EXOSC7: variants seen among roughly 807,000 people sequenced by gnomAD.
The protein encoded by EXOSC7 is exosome component 7, also known as exosome complex component RRP42.
EXOSC7 carries 25 observed loss-of-function variants against 34.3 expected under a neutral mutation model. That is an observed-to-expected ratio of 0.73 (90% CI 0.53 to 1.02). EXOSC7 has a LOEUF of 1.02. Among genes scored for constraint, EXOSC7 ranks in the 50% least tolerant of loss-of-function variants. EXOSC7 has a pLI of 0.00. For missense variants in EXOSC7, 370 were observed against 368.5 expected (o/e 1.00, Z -0.03); for synonymous variants, 130 against 143.0 (o/e 0.91, Z 0.65).
chr3:45,008,452 A>G (rs1707116479), intron 7 of EXOSC7, among the ~76,000 whole-genome samples: 1 of 152,252 alleles, frequency 6.6e-6, no homozygotes, highest in South Asian at 2.1e-4. Flanking sequence ...CATGTTATTT[A>G]AAAGGCCAAA....
intron 1 of EXOSC7, chr3:44,977,301 G>A (rs1575994484): frequency 6.6e-6 from 1 of 152,184 alleles, no homozygotes; most frequent in Non-Finnish European, 1.5e-5. Flanking sequence ...GAGTTCTGGC[G>A]ACAGCTCCTA....
At chr3:44,997,300 G>A in intron 4 of EXOSC7, 48 bp downstream of exon 4, 2 of 1,550,190 alleles carry the variant, frequency 1.3e-6, no homozygotes, top group Non-Finnish European at 1.8e-6. Flanking sequence ...TTGTTGGAAA[G>A]ACTAGTTGGC....
chr3:44,983,703 C>G (rs1306904016), intron 1 of EXOSC7, among the ~76,000 whole-genome samples: 1 of 152,130 alleles, frequency 6.6e-6, no homozygotes, highest in Non-Finnish European at 1.5e-5. Context: ...TAAAATGGAG[C>G]TTTTACTTCA....
chr3:44,980,168 C>T (rs1372092452), intron 1 of EXOSC7, among the ~76,000 whole-genome samples: 1 of 151,990 alleles, frequency 6.6e-6, no homozygotes, highest in Non-Finnish European at 1.5e-5. Context: ...TGAGGGGCAC[C>T]CTCTGATCTG....
chr3:44,994,665 C>T (rs1000431447), intron 3 of EXOSC7, among the ~76,000 whole-genome samples: 10 of 152,092 alleles, frequency 6.6e-5, no homozygotes, highest in Non-Finnish European at 1.3e-4. Context: ...AATATGGGGT[C>T]TGTGGCTTTC....
intron 3 of EXOSC7, among the ~76,000 whole-genome samples, chr3:44,994,449 G>A (rs1706661558): frequency 6.6e-6 from 1 of 151,450 alleles, no homozygotes; most frequent in Non-Finnish European, 1.5e-5. Context: ...TTAGTTATAT[G>A]TGGCCCTTTG....
intron 7 of EXOSC7, among the ~76,000 whole-genome samples, chr3:45,008,635 G>A (rs1707122049): frequency 6.6e-6 from 1 of 152,186 alleles, no homozygotes; most frequent in Non-Finnish European, 1.5e-5. Flanking sequence ...GAGGTGTAGA[G>A]GAGAAGCACA....
intron 1 of EXOSC7, among the ~76,000 whole-genome samples, chr3:44,980,814 A>G (rs1411288536): frequency 1.3e-5 from 2 of 152,200 alleles, no homozygotes; most frequent in Non-Finnish European, 2.9e-5. Context: ...TTTTTCCCAC[A>G]TTGAGTATAA....
intron 1 of EXOSC7, among the ~76,000 whole-genome samples, chr3:44,985,579 G>T (rs1380211809): frequency 6.6e-6 from 1 of 151,296 alleles, no homozygotes; most frequent in Non-Finnish European, 1.5e-5. Flanking sequence ...AGGTGGGTTC[G>T]TGGTCTCGCT....
intron 1 of EXOSC7, among the ~76,000 whole-genome samples, chr3:44,984,609 C>T (rs564739732): frequency 3.4e-4 from 52 of 152,270 alleles, no homozygotes; most frequent in African/African-American, 1.2e-3. Context: ...TGTAGCATAG[C>T]GGTTAAGAGC....
At chr3:44,999,450 A>G (rs1325979211) in intron 4 of EXOSC7, among the ~76,000 whole-genome samples, 2 of 152,222 alleles carry the variant, frequency 1.3e-5, no homozygotes, top group Admixed American at 1.3e-4. Context: ...GCACTTTGGG[A>G]TGCCAAGGCA....
Position 44,984,611 on chromosome 3 carries a change from G to A in EXOSC7, c.58-4529G>A, listed in dbSNP as rs77102795. Among the ~76,000 whole-genome samples, 1,059 of 152,328 alleles carry A rather than the reference G, an allele frequency of 7.0e-3. 12 individuals are homozygous for A. Among genetic ancestry groups the A allele is most frequent in the African/African-American group, 0.024 (1,014 of 41,558 alleles). On this transcript the variant is annotated intron_variant, in intron 1 of 7. Transcript: ENST00000265564. ...ATGCAGTGGACTGTGTAGCATAGCG[G>A]TTAAGAGCTCTGACTTGAGGCTTAA...
chr3:44,992,282 G>C (rs2125966362), intron 3 of EXOSC7, among the ~76,000 whole-genome samples: 1 of 152,314 alleles, frequency 6.6e-6, no homozygotes, highest in South Asian at 2.1e-4. Flanking sequence ...GATGGTGGTG[G>C]TGATGGTGGT....
Position 45,001,529 on chromosome 3 carries a change from C to G in EXOSC7, c.421-9C>G. 1.2e-6 allele frequency: 2 copies of G among 1,608,036 alleles called. No homozygotes were observed. Among genetic ancestry groups the G allele is most frequent in the Non-Finnish European group, 1.7e-6 (2 of 1,174,954 alleles). ...TTTTTTTTCCTTTTTCAATTCCTGT[C>G]TCCCTTAGCTTCTGGAATGTGGTGG... On this transcript the variant is annotated splice_polypyrimidine_tract_variant and intron_variant, in intron 4 of 7. Coordinates refer to ENST00000265564, the MANE Select transcript of EXOSC7 (RefSeq NM_015004.4).
At chr3:44,990,147 G>A (rs570619883) in intron 3 of EXOSC7, among the ~76,000 whole-genome samples, 2 of 152,324 alleles carry the variant, frequency 1.3e-5, no homozygotes, top group East Asian at 3.9e-4. Flanking sequence ...TGCAGTGTCT[G>A]CAGCCAGCCT....
At chr3:44,980,449 A>G (rs1318186045) in intron 1 of EXOSC7, among the ~76,000 whole-genome samples, 5 of 151,410 alleles carry the variant, frequency 3.3e-5, no homozygotes, top group Non-Finnish European at 5.9e-5. Context: ...TGTTATCTCT[A>G]TAGATGAGGA....
chr3:44,988,339 G>A (rs565619832), intron 1 of EXOSC7, among the ~76,000 whole-genome samples: 1 of 152,204 alleles, frequency 6.6e-6, no homozygotes, highest in Non-Finnish European at 1.5e-5. Context: ...TAGCATAAAA[G>A]ATACCAATGA....
At chr3:44,990,093 G>A (rs1706529290) in intron 3 of EXOSC7, among the ~76,000 whole-genome samples, 1 of 152,228 alleles carries the variant, frequency 6.6e-6, no homozygotes, top group Admixed American at 6.5e-5. Flanking sequence ...CTGAGGAAGT[G>A]GCAGCTAGGC....
intron 6 of EXOSC7, among the ~76,000 whole-genome samples, chr3:45,007,012 G>C (rs562694542): frequency 1.3e-5 from 2 of 152,094 alleles, no homozygotes; most frequent in African/African-American, 4.8e-5. Flanking sequence ...GAGCCGCTGC[G>C]CCCAGCCTTT....
Sources: allele counts gnomAD v4.1 joint callset (sites outside exome capture counted in the v4.1 genomes callset), GRCh38; gene constraint gnomAD v4.1.1; transcripts MANE v1.5; gene names NCBI Gene and HGNC (gene_info 2026-07-23, HGNC 2026-07-21).